The following SPOCK3 variants were observed in gnomAD, a reference collection of about 807,000 sequenced individuals.
SPOCK3 encodes the protein SPARC (osteonectin), cwcv and kazal like domains proteoglycan 3.
SPOCK3 carries 30 observed loss-of-function variants against 56.6 expected under a neutral mutation model. The ratio of observed to expected loss-of-function variants is 0.53; its 90% CI spans 0.40 to 0.72. The LOEUF is 0.72. SPOCK3 is among the 30% of genes least tolerant of loss of function. The pLI is 0.00. For missense variants in SPOCK3, 527 were observed against 530.0 expected (o/e 0.99, Z 0.06); for synonymous variants, 196 against 183.3 (o/e 1.07, Z -0.56).
At chr4:166,944,575 T>C (rs1031635270) in intron 4 of SPOCK3, among the ~76,000 whole-genome samples, 2 of 152,218 alleles carry the variant, frequency 1.3e-5, no homozygotes, top group East Asian at 3.8e-4. Context: ...ATAACTTTTA[T>C]TCCTTTAAAC....
chr4:167,136,096 C>T (rs898408452), intron 2 of SPOCK3, among the ~76,000 whole-genome samples: 1 of 152,068 alleles, frequency 6.6e-6, no homozygotes, highest in Non-Finnish European at 1.5e-5. Flanking sequence ...CAAGCAGTGC[C>T]AGCATCACCT....
chr4:166,889,218 G>A lies in SPOCK3; in HGVS notation c.501C>T (p.Val167=). ...FQCKLEYQAC[V]LGKQISVKCE... is the part of the protein sequence containing the mutation. The stretch of plus-strand genomic sequence containing the variant: ...ATTTGACTGAGATCTGTTTTCCTAA[G>A]ACACATGCCTGATATTCTAGTTTGC... The change falls in exon 6 of 11, where the codon GTC becomes GTT. Residue 167 remains valine (V), a synonymous_variant. Coordinates refer to ENST00000357545, the MANE Select transcript of SPOCK3 (RefSeq NM_001040159.2). 1 of 1,610,332 alleles carries A rather than the reference G, an allele frequency of 6.2e-7. No individual in the cohort carries two copies. Among genetic ancestry groups the A allele is most frequent in the Non-Finnish European group, 8.5e-7 (1 of 1,177,444 alleles).
At chr4:166,873,017 G>C (rs1355658654) in intron 6 of SPOCK3, among the ~76,000 whole-genome samples, 1 of 152,022 alleles carries the variant, frequency 6.6e-6, no homozygotes, top group Non-Finnish European at 1.5e-5. Flanking sequence ...ATGGAGAGAG[G>C]GAGAGCTCAT....
chr4:167,188,535 A>G (rs1390625759), intron 2 of SPOCK3, among the ~76,000 whole-genome samples: 1 of 146,268 alleles, frequency 6.8e-6, no homozygotes, highest in Admixed American at 7.0e-5. Flanking sequence ...AATGACAGTA[A>G]TAAGATTAAA....
intron 4 of SPOCK3, among the ~76,000 whole-genome samples, chr4:166,919,981 T>C (rs967679252): frequency 7.2e-5 from 11 of 152,176 alleles, no homozygotes; most frequent in Admixed American, 2.0e-4. Context: ...GACAGACACA[T>C]ATATTACATT....
chr4:166,838,782 C>CTAATAA (rs200205356), intron 6 of SPOCK3, among the ~76,000 whole-genome samples: 2 of 141,834 alleles, frequency 1.4e-5, no homozygotes, highest in East Asian at 2.1e-4. Context: ...AACCCCACCT[C>CTAATAA]TAATAATAAT....
chr4:166,959,998 T>C (rs1743967555), intron 4 of SPOCK3, among the ~76,000 whole-genome samples: 5 of 152,260 alleles, frequency 3.3e-5, no homozygotes, highest in South Asian at 2.1e-4. Flanking sequence ...ATTTAATGAT[T>C]TTTGGAGCTA....
chr4:166,768,194 G>A (rs1448338194), intron 7 of SPOCK3, among the ~76,000 whole-genome samples: 1 of 152,114 alleles, frequency 6.6e-6, no homozygotes, highest in African/African-American at 2.4e-5. Context: ...TTACTTTTAA[G>A]ATTAATATTG....
chr4:166,818,371 A>C (rs566520432), intron 6 of SPOCK3, among the ~76,000 whole-genome samples: 1 of 152,166 alleles, frequency 6.6e-6, no homozygotes, highest in East Asian at 1.9e-4. Context: ...ATGTGATTCA[A>C]AACTCTTGTT....
chr4:166,866,326 C>A (rs1416317622), intron 6 of SPOCK3, among the ~76,000 whole-genome samples: 1 of 152,108 alleles, frequency 6.6e-6, no homozygotes, highest in Non-Finnish European at 1.5e-5. Context: ...ACCATAAAAA[C>A]CCTAGAAGAA....
rs28605054 is a variant in SPOCK3 at position 167,099,401 on chromosome 4, C to T, written c.190-36864G>A. The stretch of plus-strand genomic sequence containing the variant: ...AATACACAAGGAAAAATATAATGAT[C>T]ATTTTGATATATCAAAATAATCTTT... On this transcript the variant is annotated intron_variant, in intron 2 of 10. Transcript: ENST00000357545. Among the ~76,000 whole-genome samples the T allele has an allele frequency of 7.6e-3, 1,151 of 151,882 alleles. 14 individuals are homozygous for T. Among genetic ancestry groups the T allele is most frequent in the African/African-American group, 0.027 (1,101 of 41,474 alleles).
chr4:166,813,384 T>C (rs551004387), intron 6 of SPOCK3, among the ~76,000 whole-genome samples: 63 of 151,986 alleles, frequency 4.1e-4, no homozygotes, highest in Non-Finnish European at 6.6e-4. Flanking sequence ...CTCTGAGGAA[T>C]GTACCTGAAG....
chr4:166,770,392 G>T (rs1003907173), intron 7 of SPOCK3, among the ~76,000 whole-genome samples: 2 of 152,062 alleles, frequency 1.3e-5, no homozygotes, highest in Non-Finnish European at 2.9e-5. Flanking sequence ...GATAATCCAG[G>T]ATAATCTCCT....
chr4:167,162,713 G>C (rs892941024), intron 2 of SPOCK3, among the ~76,000 whole-genome samples: 1 of 152,104 alleles, frequency 6.6e-6, no homozygotes, highest in Non-Finnish European at 1.5e-5. Flanking sequence ...GCATAATTCT[G>C]CCTCCCCTAT....
At chr4:167,121,476 A>C (rs1162303779) in intron 2 of SPOCK3, among the ~76,000 whole-genome samples, 1 of 151,648 alleles carries the variant, frequency 6.6e-6, no homozygotes, top group Non-Finnish European at 1.5e-5. Context: ...TTTCAAACAA[A>C]AAAAAAAAAA....
intron 2 of SPOCK3, among the ~76,000 whole-genome samples, chr4:167,201,537 G>A (rs1031376838): frequency 7.9e-5 from 12 of 151,904 alleles, no homozygotes; most frequent in African/African-American, 2.9e-4. Flanking sequence ...ATGCATGCCT[G>A]CTTTTGCAAG....
intron 2 of SPOCK3, among the ~76,000 whole-genome samples, chr4:167,065,161 C>G (rs1756010733): frequency 6.7e-6 from 1 of 150,344 alleles, no homozygotes; most frequent in Non-Finnish European, 1.5e-5. Context: ...TGACATGGTA[C>G]AGCTACCAGT....
intron 6 of SPOCK3, among the ~76,000 whole-genome samples, chr4:166,851,104 C>G (rs981533732): frequency 6.6e-6 from 1 of 152,098 alleles, no homozygotes; most frequent in Admixed American, 6.5e-5. Flanking sequence ...GTTCTCCCAG[C>G]ACGCAGCTGG....
chr4:167,176,945 C>A (rs1275336931), intron 2 of SPOCK3, among the ~76,000 whole-genome samples: 1 of 152,094 alleles, frequency 6.6e-6, no homozygotes, highest in Admixed American at 6.6e-5. Flanking sequence ...AACTCTATGT[C>A]CACAGCGTTG....
Sources: allele counts gnomAD v4.1 joint callset (sites outside exome capture counted in the v4.1 genomes callset), GRCh38; gene constraint gnomAD v4.1.1; transcripts MANE v1.5; gene names NCBI Gene and HGNC (gene_info 2026-07-23, HGNC 2026-07-21).